The following NR2F1-AS1 variants were observed in gnomAD, a reference collection of about 807,000 sequenced individuals.
The protein encoded by NR2F1-AS1 is NR2F1 antisense RNA 1.
rs971220217 is a variant in NR2F1-AS1 at position 93,529,761 on chromosome 5, A to G, written n.638+24000T>C. On this transcript the variant is annotated intron_variant and non_coding_transcript_variant, in intron 4 of 5. Coordinates refer to ENST00000660523, the Ensembl canonical transcript of NR2F1-AS1. ...TAAATAATAAATTGCTAGGTTGCAG[A>G]AAAAAAAGGAAACGCTATTTTCTGT... Among the ~76,000 whole-genome samples, 8 of 151,794 alleles carry G rather than the reference A, an allele frequency of 5.3e-5. No homozygotes were observed. In the East Asian group the frequency reaches 7.7e-4, roughly 15 times the overall value.
chr5:93,422,859 G>C (rs1399891483), intron 4 of NR2F1-AS1, among the ~76,000 whole-genome samples: 2 of 152,118 alleles, frequency 1.3e-5, no homozygotes, highest in Admixed American at 6.6e-5. Flanking sequence ...ACTTAGAACA[G>C]AGGCTGTGGA....
At chr5:93,512,981 C>T (rs1036856388) in intron 4 of NR2F1-AS1, among the ~76,000 whole-genome samples, 1 of 152,130 alleles carries the variant, frequency 6.6e-6, no homozygotes, top group Non-Finnish European at 1.5e-5. Context: ...CCTGTTGGTT[C>T]TGTTTCTCTT....
intron 4 of NR2F1-AS1, among the ~76,000 whole-genome samples, chr5:93,425,440 T>C (rs911177241): frequency 6.6e-6 from 1 of 152,206 alleles, no homozygotes; most frequent in South Asian, 2.1e-4. Flanking sequence ...GCAAGTCATA[T>C]GATCAACCTA....
intron 4 of NR2F1-AS1, among the ~76,000 whole-genome samples, chr5:93,484,024 G>A (rs2149876524): frequency 6.6e-6 from 1 of 152,274 alleles, no homozygotes; most frequent in East Asian, 1.9e-4. Flanking sequence ...TGGAAAACAT[G>A]CTTCAGGATA....
chr5:93,544,739 T>G (rs1321103516), intron 4 of NR2F1-AS1: 2 of 151,926 alleles, frequency 1.3e-5, no homozygotes, highest in Non-Finnish European at 2.9e-5. Context: ...CTGGCCAACA[T>G]GATGCAACCC....
intron 4 of NR2F1-AS1, among the ~76,000 whole-genome samples, chr5:93,515,428 T>TTTTCTA (rs1302934247): frequency 6.6e-6 from 1 of 151,914 alleles, no homozygotes; most frequent in Admixed American, 6.6e-5. Flanking sequence ...CATCATTACT[T>TTTTCTA]TTTCTATTTC....
At chr5:93,580,139 C>A (rs779642953) in intron 1 of NR2F1-AS1, among the ~76,000 whole-genome samples, 2 of 152,218 alleles carry the variant, frequency 1.3e-5, no homozygotes, top group African/African-American at 4.8e-5. Flanking sequence ...GTCCTCCGCC[C>A]GGGCATCCGT....
intron 4 of NR2F1-AS1, among the ~76,000 whole-genome samples, chr5:93,436,391 C>G (rs931481280): frequency 6.6e-6 from 1 of 152,076 alleles, no homozygotes; most frequent in South Asian, 2.1e-4. Context: ...GTATCCCCAC[C>G]AAAATGCATA....
chr5:93,431,004 C>T (rs1749301592), intron 4 of NR2F1-AS1, among the ~76,000 whole-genome samples: 1 of 152,078 alleles, frequency 6.6e-6, no homozygotes, highest in African/African-American at 2.4e-5. Context: ...TACCAGCATC[C>T]CCTGGAGTCA....
upstream of NR2F1-AS1, chr5:93,584,945 C>T (rs1753201665): frequency 8.0e-6 from 2 of 249,812 alleles, no homozygotes; most frequent in African/African-American, 2.4e-5. Flanking sequence ...CCTTCCCCTT[C>T]CCCTCCCAGC....
intron 4 of NR2F1-AS1, among the ~76,000 whole-genome samples, chr5:93,487,735 A>C (rs1750755832): frequency 6.6e-6 from 1 of 152,182 alleles, no homozygotes; most frequent in Non-Finnish European, 1.5e-5. Flanking sequence ...CAGAATTGGA[A>C]AAAACTACTT....
intron 4 of NR2F1-AS1, among the ~76,000 whole-genome samples, chr5:93,482,266 G>A (rs1750616205): frequency 6.6e-6 from 1 of 152,108 alleles, no homozygotes; most frequent in South Asian, 2.1e-4. Flanking sequence ...CATCTCATTG[G>A]GACAGGTTAG....
chr5:93,560,345 T>C (rs540995914), intron 2 of NR2F1-AS1, among the ~76,000 whole-genome samples: 81 of 152,374 alleles, frequency 5.3e-4, no homozygotes, highest in African/African-American at 1.9e-3. Flanking sequence ...GGCTAGTTCC[T>C]GACTATAAAA....
chr5:93,539,978 A>AATT (rs1751916922), intron 4 of NR2F1-AS1, among the ~76,000 whole-genome samples: 1 of 152,236 alleles, frequency 6.6e-6, no homozygotes, highest in Non-Finnish European at 1.5e-5. Flanking sequence ...AACCTATGTG[A>AATT]ATTAGCCCAA....
chr5:93,465,653 T>C (rs562881322), intron 4 of NR2F1-AS1, among the ~76,000 whole-genome samples: 8 of 148,186 alleles, frequency 5.4e-5, no homozygotes, highest in Non-Finnish European at 1.2e-4. Context: ...CTATTCACAA[T>C]AGCAAAGACT....
chr5:93,454,678 A>G (rs1354391256), intron 4 of NR2F1-AS1, among the ~76,000 whole-genome samples: 1 of 152,192 alleles, frequency 6.6e-6, no homozygotes, highest in Non-Finnish European at 1.5e-5. Context: ...TGGAACTTTT[A>G]GCTCTACCCT....
intron 4 of NR2F1-AS1, among the ~76,000 whole-genome samples, chr5:93,450,914 C>CAAAAAA (rs60895927): frequency 2.8e-4 from 15 of 54,022 alleles, no homozygotes; most frequent in Non-Finnish European, 5.2e-4. Flanking sequence ...GAATCTGCTT[C>CAAAAAA]AAAAAAAAAA....
chr5:93,483,421 C>T (rs938649688), intron 4 of NR2F1-AS1, among the ~76,000 whole-genome samples: 1 of 152,120 alleles, frequency 6.6e-6, no homozygotes, highest in African/African-American at 2.4e-5. Flanking sequence ...AAAAGGATGT[C>T]CACACAGAAA....
chr5:93,410,405 C>A (rs1366032261), intron 4 of NR2F1-AS1: 4 of 152,284 alleles, frequency 2.6e-5, no homozygotes, highest in Non-Finnish European at 5.9e-5. Flanking sequence ...GGGTCCATGG[C>A]CTATTAGGAA....
Sources: gnomAD v4.1 joint callset for allele counts (sites outside exome capture counted in the v4.1 genomes callset) on GRCh38, gnomAD v4.1.1 for gene constraint, MANE v1.5 for transcripts, NCBI Gene and HGNC (gene_info 2026-07-23, HGNC 2026-07-21) for gene names.